The following ZYG11A variants were observed in gnomAD, a reference collection of about 807,000 sequenced individuals.
The protein encoded by ZYG11A is protein zyg-11 homolog A.
Under a neutral mutation model 77.2 loss-of-function variants are expected in ZYG11A, and 62 were observed. The observed-to-expected ratio is 0.80, with a 90% CI of 0.65 to 0.99. ZYG11A has a LOEUF of 0.99. Among genes scored for constraint, ZYG11A ranks in the 50% least tolerant of loss-of-function variants. The pLI, the probability that ZYG11A is intolerant of heterozygous loss-of-function variation, is 0.00. For missense variants in ZYG11A, 828 were observed against 896.8 expected (o/e 0.92, Z 0.98); for synonymous variants, 315 against 324.6 (o/e 0.97, Z 0.32).
intron 1 of ZYG11A, among the ~76,000 whole-genome samples, chr1:52,845,671 T>C (rs1571824758): frequency 6.6e-6 from 1 of 150,404 alleles, no homozygotes; most frequent in Non-Finnish European, 1.5e-5. Context: ...GACAGGAAAG[T>C]AAACATTTTA....
At position 52,893,093 on chromosome 1, in the gene ZYG11A, T is replaced by C; in HGVS notation, c.*136T>C. On this transcript the variant is annotated 3_prime_UTR_variant, in exon 14 of 14. Coordinates refer to ENST00000371528, the MANE Select transcript of ZYG11A (RefSeq NM_001004339.3). ...CTTTGATTGTTGATTTTATATATGT[T>C]ACAAAAGGTTGGATTTGTATGATAG... The C allele has an allele frequency of 2.6e-6, 2 of 783,116 alleles. No homozygotes were observed. Among genetic ancestry groups the C allele is most frequent in the Non-Finnish European group, 4.0e-6 (2 of 505,770 alleles). 48.5% of individuals were successfully genotyped at this position (783,116 alleles called of 1,614,324 possible).
intron 13 of ZYG11A, among the ~76,000 whole-genome samples, chr1:52,892,384 C>T (rs1409595739): frequency 9.3e-5 from 14 of 150,592 alleles, no homozygotes; most frequent in Non-Finnish European, 1.9e-4. Context: ...AAAAATTAGC[C>T]GGGCGTGGTG....
At chr1:52,889,889 A>G (rs1286579204) in intron 13 of ZYG11A, among the ~76,000 whole-genome samples, 2 of 151,306 alleles carry the variant, frequency 1.3e-5, no homozygotes, top group Non-Finnish European at 2.9e-5. Context: ...ATTTTTTTGT[A>G]TTTTTAGTAG....
At chr1:52,889,518 AGTGATC>A (rs1646505280) in intron 13 of ZYG11A, among the ~76,000 whole-genome samples, 1 of 151,710 alleles carries the variant, frequency 6.6e-6, no homozygotes, top group Non-Finnish European at 1.5e-5. Context: ...CCTGGGCTTG[AGTGATC>A]CTCTTGCATC....
chr1:52,863,229 G>C (rs779328652), intron 4 of ZYG11A, among the ~76,000 whole-genome samples: 1 of 152,218 alleles, frequency 6.6e-6, no homozygotes, highest in Non-Finnish European at 1.5e-5. Flanking sequence ...GACAGAGCAG[G>C]TGGGGTCTAA....
In ZYG11A at chr1:52,859,398, C is replaced by G. The variant is rs549433333; in HGVS notation, c.1009-1333C>G. Among the ~76,000 whole-genome samples the G allele has an allele frequency of 6.0e-5, 9 of 151,110 alleles. No individual in the cohort carries two copies. In the East Asian group the frequency reaches 9.8e-4, roughly 16 times the overall value. On this transcript the variant is annotated intron_variant, in intron 3 of 13. Transcript: ENST00000371528. Reference sequence around the variant, plus strand: ...TCGCCCAGGCTGGAGTGCAGTGACACGATCTCTGCTCACTGCAATCTCCGC... The same window carrying G: ...TCGCCCAGGCTGGAGTGCAGTGACAGGATCTCTGCTCACTGCAATCTCCGC...
At chr1:52,871,975 CTT>C (rs1646175983) in intron 8 of ZYG11A, among the ~76,000 whole-genome samples, 1 of 152,070 alleles carries the variant, frequency 6.6e-6, no homozygotes, top group African/African-American at 2.4e-5. Context: ...CGGGTGGAAT[CTT>C]ATGCTTATGA....
chr1:52,871,283 A>T lies in ZYG11A; in HGVS notation c.1542+3506A>T, dbSNP rs1646159611. ...AGCTATGTTTGTAGCCACCACATTC[A>T]GCCTCCTCACGTTTTTAATCCTGTG... On this transcript the variant is annotated intron_variant, in intron 8 of 13. Transcript: ENST00000371528. Among the ~76,000 whole-genome samples, 5 of 151,942 alleles carry T rather than the reference A, an allele frequency of 3.3e-5. No individual in the cohort carries two copies. In the South Asian group the frequency reaches 1.0e-3, roughly 32 times the overall value.
chr1:52,881,282 T>A lies in ZYG11A; in HGVS notation c.1750-189T>A, dbSNP rs566537175. The A allele has an allele frequency of 1.7e-5, 8 of 478,834 alleles. No homozygotes were observed. The South Asian group carries it at 3.3e-4, about 20-fold the overall frequency. 29.7% of individuals were successfully genotyped at this position (478,834 alleles called of 1,614,324 possible). A position where few individuals can be genotyped will look rare whatever the true frequency, so the allele number is the denominator to read the frequency against. On this transcript the variant is annotated intron_variant, in intron 10 of 13. Coordinates refer to ENST00000371528, the MANE Select transcript of ZYG11A (RefSeq NM_001004339.3). The stretch of plus-strand genomic sequence containing the variant: ...CACTTAGTAAGTACTTATTTAGTGA[T>A]TGTTGTTAATGATCATCCTCATCAA...
chr1:52,850,387 C>T (rs1370062777), intron 1 of ZYG11A, among the ~76,000 whole-genome samples: 10 of 150,628 alleles, frequency 6.6e-5, no homozygotes, highest in Non-Finnish European at 1.3e-4. Context: ...GGAGTGATCT[C>T]AGCTCACTGC....
chr1:52,859,418 C>T (rs1394252246), intron 3 of ZYG11A, among the ~76,000 whole-genome samples: 1 of 152,042 alleles, frequency 6.6e-6, no homozygotes, highest in African/African-American at 2.4e-5. Flanking sequence ...TCACTGCAAT[C>T]TCCGCCTCCC....
At chr1:52,887,468 T>A (rs1646471432) in intron 13 of ZYG11A, among the ~76,000 whole-genome samples, 1 of 152,202 alleles carries the variant, frequency 6.6e-6, no homozygotes, top group South Asian at 2.1e-4. Context: ...GCTGACACTC[T>A]TCCTTTAGTA....
chr1:52,889,032 C>T (rs1646493074), intron 13 of ZYG11A, among the ~76,000 whole-genome samples: 1 of 152,080 alleles, frequency 6.6e-6, no homozygotes, highest in Admixed American at 6.6e-5. Context: ...TTATTATGTG[C>T]CAGGCAATGT....
intron 1 of ZYG11A, among the ~76,000 whole-genome samples, chr1:52,851,461 G>A (rs1645708930): frequency 6.6e-6 from 1 of 151,916 alleles, no homozygotes; most frequent in Non-Finnish European, 1.5e-5. Context: ...GTAGTGGCGC[G>A]ATCTGGGCTC....
chr1:52,843,268 G>T (rs1470482085), intron 1 of ZYG11A, among the ~76,000 whole-genome samples: 2 of 152,208 alleles, frequency 1.3e-5, no homozygotes, highest in Non-Finnish European at 2.9e-5. Flanking sequence ...ACCGGGGCGA[G>T]CCTCCTCAGG....
At chr1:52,854,753 GACTC>G in intron 2 of ZYG11A, 123 bp downstream of exon 2, 1 of 1,041,006 alleles carries the variant, frequency 9.6e-7, no homozygotes, top group Non-Finnish European at 1.3e-6. Flanking sequence ...TGGAAGTTGA[GACTC>G]ACTCTTTCTG....
At chr1:52,888,642 G>A (rs1440504819) in intron 13 of ZYG11A, among the ~76,000 whole-genome samples, 1 of 152,164 alleles carries the variant, frequency 6.6e-6, no homozygotes, top group African/African-American at 2.4e-5. Flanking sequence ...ACAAGCATGA[G>A]ACACTGCATC....
intron 11 of ZYG11A, among the ~76,000 whole-genome samples, chr1:52,882,357 A>G (rs1447060049): frequency 6.6e-6 from 1 of 152,180 alleles, no homozygotes. Flanking sequence ...CTTCATACAT[A>G]TTCTGTACAC....
chr1:52,868,518 A>T (rs1433208070), intron 8 of ZYG11A, among the ~76,000 whole-genome samples: 1 of 152,084 alleles, frequency 6.6e-6, no homozygotes, highest in Non-Finnish European at 1.5e-5. Context: ...GCTGTGGCTC[A>T]CGCCTGTAAT....
Sources: gnomAD v4.1 joint callset for allele counts (sites outside exome capture counted in the v4.1 genomes callset) on GRCh38, gnomAD v4.1.1 for gene constraint, MANE v1.5 for transcripts, NCBI Gene and HGNC (gene_info 2026-07-23, HGNC 2026-07-21) for gene names.